UTP14C: variants seen among roughly 807,000 people sequenced by gnomAD.
The protein encoded by UTP14C is UTP14C small subunit processome component.
UTP14C carries 10 observed loss-of-function variants against 14.6 expected under a neutral mutation model. The observed-to-expected ratio is 0.68, with a 90% CI of 0.42 to 1.16. UTP14C has a LOEUF of 1.16. Ranked by LOEUF, UTP14C falls within the 50% of genes most tolerant of loss-of-function variation. UTP14C has a pLI of 0.00. For missense variants in UTP14C, 818 were observed against 890.8 expected (o/e 0.92, Z 1.04); for synonymous variants, 315 against 331.6 (o/e 0.95, Z 0.54).
chr13:52,029,197 A>G lies in UTP14C; in HGVS notation c.393A>G (p.Val131=), dbSNP rs752827145. 4.3e-6 allele frequency: 7 copies of G among 1,614,240 alleles called. No homozygotes were observed. The highest frequency in any genetic ancestry group is 5.1e-6 in the Non-Finnish European group (6 of 1,180,042). Residue 131 remains valine, a synonymous_variant, in exon 2 of 2, where the codon GTA becomes GTG. Transcript: ENST00000521776. ...AAATTGAACAGATCCACAGAGAAGT[A>G]GCATTCAGTAAAACCTCACAGGTCC... ...KEKIEQIHRE[V]AFSKTSQVLS...
rs991088234 is a variant in UTP14C at position 52,024,715 on chromosome 13, A to G, written c.-709A>G. 6 of 1,614,110 alleles carry G rather than the reference A, an allele frequency of 3.7e-6. No homozygotes were observed. Among genetic ancestry groups the G allele is most frequent in the Admixed American group, 3.3e-5 (2 of 60,012 alleles). ...AGCCTTTGCTAAATTGCTGAATAAGAAGATGGTTGAGTCACCTCCTTCGCT... is the reference window on the plus strand; with the variant it reads ...AGCCTTTGCTAAATTGCTGAATAAGGAGATGGTTGAGTCACCTCCTTCGCT... On this transcript the variant is annotated 5_prime_UTR_variant, in exon 1 of 2. Coordinates refer to ENST00000521776, the MANE Select transcript of UTP14C (RefSeq NM_021645.6).
In UTP14C at chr13:52,028,705, C is replaced by T; in HGVS notation, c.-100C>T. ...AAATCATTTTACTTTAGAAAACAGA[C>T]AAAATTTCCTTTTAGAATAAAAGGA... On this transcript the variant is annotated 5_prime_UTR_variant, in exon 2 of 2. Transcript: ENST00000521776. 1.3e-6 allele frequency: 2 copies of T among 1,577,892 alleles called. No homozygotes were observed. The highest frequency in any genetic ancestry group is 8.7e-7 in the Non-Finnish European group (1 of 1,155,868).
chr13:52,025,289 G>A (rs895692382), intron 1 of UTP14C, among the ~76,000 whole-genome samples: 21 of 152,186 alleles, frequency 1.4e-4, no homozygotes, highest in Non-Finnish European at 8.8e-5. Flanking sequence ...TACACAGTAA[G>A]TGGTAGAGCC....
At position 52,030,927 on chromosome 13, in the gene UTP14C, C is replaced by G. The variant is rs751435110; in HGVS notation, c.2123C>G (p.Thr708Ser). ...ACCCCTATAGGATCCACATGGAACA[C>G]CCAGAGGGCTTTCCAAAAGCTGACT... is the stretch of plus-strand genomic sequence containing the variant. Reference protein sequence around the residue: ...IQTPIGSTWNTQRAFQKLTTP... With the variant: ...IQTPIGSTWNSQRAFQKLTTP... Residue 708 changes from threonine (T) to serine (S), a missense_variant, in exon 2 of 2, where the codon ACC becomes AGC. Transcript: ENST00000521776. The G allele has an allele frequency of 6.2e-7, 1 of 1,614,176 alleles. No homozygotes were observed. Among genetic ancestry groups the G allele is most frequent in the South Asian group, 1.1e-5 (1 of 91,080 alleles).
Position 52,029,587 on chromosome 13 carries a change from G to A in UTP14C, c.783G>A (p.Lys261=), listed in dbSNP as rs773239936. 1 of 1,614,096 alleles carries A rather than the reference G, an allele frequency of 6.2e-7. No homozygotes were observed. Among genetic ancestry groups the A allele is most frequent in the African/African-American group, 1.3e-5 (1 of 74,922 alleles). The part of the protein sequence containing the change: ...YHKVVKKGKA[K]KALKEFEQLQ... The stretch of plus-strand genomic sequence containing the variant: ...AAGTCGTGAAGAAAGGAAAGGCCAA[G>A]AAAGCCTTAAAAGAGTTTGAGCAGC... The change falls in exon 2 of 2, where the codon AAG becomes AAA. Residue 261 remains lysine, a synonymous_variant. Coordinates refer to ENST00000521776, the MANE Select transcript of UTP14C (RefSeq NM_021645.6).
chr13:52,030,467 C>T lies in UTP14C; in HGVS notation c.1663C>T (p.Gln555Ter). The part of the protein sequence containing the change: ...DAPKEKKEKE[Q>*]LINLQNFLTT... ...CCCTAAGGAGAAGAAAGAGAAGGAG[C>T]AACTGATCAACCTACAGAACTTCCT... Residue 555 changes from glutamine to a stop codon, truncating the protein, a stop_gained, in exon 2 of 2, where the codon CAA becomes TAA. Transcript: ENST00000521776. LOFTEE classifies it high-confidence loss of function. The T allele has an allele frequency of 6.2e-7, 1 of 1,614,228 alleles. No homozygotes were observed. The highest frequency in any genetic ancestry group is 1.6e-4 in the Middle Eastern group (1 of 6,062).
At position 52,028,404 on chromosome 13, in the gene UTP14C, A is replaced by G. The variant is rs1211890444; in HGVS notation, c.-401A>G. The G allele has an allele frequency of 2.1e-5, 34 of 1,614,072 alleles. No individual in the cohort carries two copies. In the Admixed American group the frequency reaches 5.2e-4, roughly 25 times the overall value. ...AGCTTGACATTGTGGTTCCTCACGA[A>G]GGAGATATAACTGGCTTTCTGGCTG... On this transcript the variant is annotated 5_prime_UTR_variant, in exon 2 of 2. Transcript: ENST00000521776.
chr13:52,029,614 A>C lies in UTP14C; in HGVS notation c.810A>C (p.Leu270=), dbSNP rs764917319. Residue 270 remains leucine, a synonymous_variant, in exon 2 of 2, where the codon CTA becomes CTC. Transcript: ENST00000521776. ...AAGCCTTAAAAGAGTTTGAGCAGCT[A>C]CAGAAGGTTAATCCAACTGTGGCAC... ...AKKALKEFEQ[L]QKVNPTVALE... 19 of 1,614,118 alleles carry C rather than the reference A, an allele frequency of 1.2e-5. No homozygotes were observed. The highest frequency in any genetic ancestry group is 1.5e-5 in the Non-Finnish European group (18 of 1,180,044).
Position 52,032,433 on chromosome 13 carries a change from G to C in UTP14C, c.*1328G>C, listed in dbSNP as rs1954314843. ...GTGAATATATGTGTGAGCAGATATG[G>C]CTATAAAGACCTATAGCTTTTGCAC... On this transcript the variant is annotated 3_prime_UTR_variant, in exon 2 of 2. Coordinates refer to ENST00000521776, the MANE Select transcript of UTP14C (RefSeq NM_021645.6). 1 of 167,020 alleles carries C rather than the reference G, an allele frequency of 6.0e-6. No individual in the cohort carries two copies. Among genetic ancestry groups the C allele is most frequent in the Admixed American group, 6.5e-5 (1 of 15,282 alleles). The allele number at this position is 167,020 out of a possible 1,614,324, so 10.3% of individuals were successfully genotyped here. A position where few individuals can be genotyped will look rare whatever the true frequency, so the allele number is the denominator to read the frequency against.
chr13:52,025,336 A>G (rs1438722070), intron 1 of UTP14C, among the ~76,000 whole-genome samples: 1 of 152,234 alleles, frequency 6.6e-6, no homozygotes, highest in Non-Finnish European at 1.5e-5. Context: ...TCTTAACAGC[A>G]ACATTTTCTC....
In UTP14C at chr13:52,033,595, C is replaced by CATT. The variant is rs1954328654; in HGVS notation, c.*2492_*2494dup. The stretch of plus-strand genomic sequence containing the variant: ...ATAAAAGTTTGTCTTGCTTGTGAAA[C>CATT]ATTAAGAAGAGGCTGTCAGGTTTAA... On this transcript the variant is annotated 3_prime_UTR_variant, in exon 2 of 2. Coordinates refer to ENST00000521776, the MANE Select transcript of UTP14C (RefSeq NM_021645.6). 6.0e-6 allele frequency: 1 copy of CATT among 166,720 alleles called. No individual in the cohort carries two copies. Among genetic ancestry groups the CATT allele is most frequent in the South Asian group, 2.1e-4 (1 of 4,824 alleles). The allele number at this position is 166,720 out of a possible 1,614,324, so 10.3% of individuals were successfully genotyped here.
chr13:52,029,274 T>C lies in UTP14C; in HGVS notation c.470T>C (p.Val157Ala). Residue 157 changes from valine (V) to alanine (A), a missense_variant, in exon 2 of 2, where the codon GTT (valine) becomes GCT (alanine). Physicochemically the swap from Val to Ala is moderately conservative, Grantham distance 64 (BLOSUM62 0). Transcript: ENST00000521776. ...ILKNQQAEQL[V>A]FPLGKEQPAI... ...AAGAACCAGCAGGCAGAGCAGCTGG[T>C]TTTTCCCCTGGGGAAGGAGCAGCCA... is the stretch of plus-strand genomic sequence containing the variant. The C allele has an allele frequency of 2.5e-6, 4 of 1,614,124 alleles. No homozygotes were observed. The South Asian group carries it at 4.4e-5, about 18-fold the overall frequency.
At chr13:52,027,435 A>G (rs1256906128) in intron 1 of UTP14C, among the ~76,000 whole-genome samples, 1 of 152,150 alleles carries the variant, frequency 6.6e-6, no homozygotes, top group African/African-American at 2.4e-5. Context: ...TGAGCTACTG[A>G]ATTCTGTTCT....
At position 52,030,254 on chromosome 13, in the gene UTP14C, C is replaced by T; in HGVS notation, c.1450C>T (p.Gln484Ter). The T allele has an allele frequency of 6.2e-7, 1 of 1,614,212 alleles. No individual in the cohort carries two copies. Among genetic ancestry groups the T allele is most frequent in the Non-Finnish European group, 8.5e-7 (1 of 1,180,042 alleles). The change falls in exon 2 of 2, where the codon CAG (glutamine) becomes TAG (stop). Residue 484 changes from glutamine (Q) to a stop codon, truncating the protein, a stop_gained. Coordinates refer to ENST00000521776, the MANE Select transcript of UTP14C (RefSeq NM_021645.6). LOFTEE classifies it low-confidence loss of function (END_TRUNC). The stretch of plus-strand genomic sequence containing the variant: ...AGCAAGTTCAGAGGGGACTGTTCCC[C>T]AGGTCCAGAGAGAGGAACCTGCCCC... Reference protein sequence around the residue: ...QKASSEGTVPQVQREEPAPEE... With the variant: ...QKASSEGTVP
Position 52,030,446 on chromosome 13 carries a change from AAGG to A in UTP14C, c.1645_1647del (p.Glu549del), listed in dbSNP as rs764491335. ...CCCAAATAATCGGCCTGATGCCCCT[AAGG>A]AGAAGAAAGAGAAGGAGCAACTGAT... is the stretch of plus-strand genomic sequence containing the variant. On this transcript the variant is annotated inframe_deletion, in exon 2 of 2. Coordinates refer to ENST00000521776, the MANE Select transcript of UTP14C (RefSeq NM_021645.6). The A allele has an allele frequency of 3.1e-6, 5 of 1,614,230 alleles. No homozygotes were observed. Among genetic ancestry groups the A allele is most frequent in the Non-Finnish European group, 4.2e-6 (5 of 1,180,038 alleles).
At position 52,031,026 on chromosome 13, in the gene UTP14C, C is replaced by T. The variant is rs764432307; in HGVS notation, c.2222C>T (p.Ser741Phe). ...GCAGAGGATGTGGGCTACCAGTCTT[C>T]CTCAAGGTCAGACCTGCCTGTCATA... Reference protein sequence around the residue: ...IKAEDVGYQSSSRSDLPVIQR... With the variant: ...IKAEDVGYQSFSRSDLPVIQR... Residue 741 changes from serine (S) to phenylalanine (F), a missense_variant, in exon 2 of 2, where the codon TCC (serine) becomes TTC (phenylalanine). Transcript: ENST00000521776. 6.2e-7 allele frequency: 1 copy of T among 1,614,200 alleles called. No homozygotes were observed. Among genetic ancestry groups the T allele is most frequent in the Non-Finnish European group, 8.5e-7 (1 of 1,180,024 alleles).
rs1294895644 is a variant in UTP14C, at chr13:52,028,495, C to T, written c.-310C>T. The T allele has an allele frequency of 6.2e-7, 1 of 1,614,116 alleles. No individual in the cohort carries two copies. Among genetic ancestry groups the T allele is most frequent in the Admixed American group, 1.7e-5 (1 of 60,022 alleles). ...TTCCATGTCTGCAGAAAAGAGACTCCAAATCAGAAAAAGTGCTCGTGCATC... is the reference window on the plus strand; with the variant it reads ...TTCCATGTCTGCAGAAAAGAGACTCTAAATCAGAAAAAGTGCTCGTGCATC... On this transcript the variant is annotated 5_prime_UTR_variant, in exon 2 of 2. An upstream open reading frame in the 5' UTR gains an earlier in-frame stop. Transcript: ENST00000521776.
intron 1 of UTP14C, among the ~76,000 whole-genome samples, chr13:52,025,518 G>A (rs1954232231): frequency 1.3e-5 from 2 of 152,186 alleles, no homozygotes; most frequent in South Asian, 4.1e-4. Flanking sequence ...GTTTGCATAG[G>A]GGCTTCTCAC....
intron 1 of UTP14C, 60 bp from the exon 2 acceptor site, chr13:52,028,259 C>T: frequency 6.2e-7 from 1 of 1,600,394 alleles, no homozygotes; most frequent in South Asian, 1.1e-5. Flanking sequence ...TATTCATCCT[C>T]ATTCTTATGA....
Sources: gnomAD v4.1 joint callset for allele counts (sites outside exome capture counted in the v4.1 genomes callset) on GRCh38, gnomAD v4.1.1 for gene constraint, MANE v1.5 for transcripts, NCBI Gene and HGNC (gene_info 2026-07-23, HGNC 2026-07-21) for gene names.